Variants in TRRAP observed in about 807,000 individuals in gnomAD.
The protein encoded by TRRAP is transformation/transcription domain-associated protein.
TRRAP carries 41 observed loss-of-function variants against 438.8 expected under a neutral mutation model. The ratio of observed to expected loss-of-function variants is 0.09; its 90% CI spans 0.07 to 0.12. The LOEUF (loss-of-function observed/expected upper bound fraction) is 0.12, where lower values mean the gene tolerates loss of function less well. Ranked by LOEUF, TRRAP falls within the 10% of genes least tolerant of loss-of-function variation. The probability of loss-of-function intolerance (pLI) is 1.00; values close to 1 mark genes in which losing one functional copy is unlikely to be tolerated. For missense variants in TRRAP, 3,122 were observed against 5,055.1 expected (o/e 0.62, Z 11.60); for synonymous variants, 1,994 against 1,962.9 (o/e 1.02, Z -0.42).
chr7:98,967,386 G>A (rs1443626668), intron 50 of TRRAP, 99 bp from the exon 51 acceptor site: 2 of 1,407,056 alleles, frequency 1.4e-6, no homozygotes, highest in African/African-American at 1.4e-5. Context: ...TTTCATAGTG[G>A]CATTTCAGCA....
chr7:98,880,995 G>A (rs1198050634), intron 1 of TRRAP, 95 bp from the exon 2 acceptor site: 1 of 468,900 alleles, frequency 2.1e-6, no homozygotes, highest in Admixed American at 4.1e-5. Context: ...TAAGATGAAA[G>A]CGTATCGATT....
At chr7:98,906,326 C>A in intron 13 of TRRAP, 71 bp downstream of exon 13, 1 of 1,277,778 alleles carries the variant, frequency 7.8e-7, no homozygotes, top group Non-Finnish European at 1.1e-6. Flanking sequence ...CTTCATGTTA[C>A]AAGTGTTTCA....
Position 98,881,149 on chromosome 7 carries a change from A to G in TRRAP, c.-2A>G. 3.1e-6 allele frequency: 5 copies of G among 1,603,348 alleles called. No individual in the cohort carries two copies. Among genetic ancestry groups the G allele is most frequent in the Non-Finnish European group, 4.3e-6 (5 of 1,174,676 alleles). On this transcript the variant is annotated 5_prime_UTR_variant, in exon 2 of 73. Transcript: ENST00000456197. ...TGAGAAGCAAACCAGCCCAAAAGAAAAATGGCGTTTGTTGCAACACAGGGG... is the reference window on the plus strand; with the variant it reads ...TGAGAAGCAAACCAGCCCAAAAGAAGAATGGCGTTTGTTGCAACACAGGGG...
At chr7:98,977,157 C>T (rs555034001) in intron 56 of TRRAP, 81 bp downstream of exon 56, 91 of 1,576,654 alleles carry the variant, frequency 5.8e-5, no homozygotes, top group African/African-American at 1.1e-4. Flanking sequence ...GTCCTCAAGT[C>T]GGAGTTCACG....
chr7:98,901,480 G>T (rs1013956299), intron 11 of TRRAP, among the ~76,000 whole-genome samples: 5 of 152,208 alleles, frequency 3.3e-5, no homozygotes, highest in African/African-American at 1.2e-4. Flanking sequence ...GTATCATGGT[G>T]TGTGTTTATC....
At chr7:98,975,912 G>A in intron 53 of TRRAP, 1 of 478,028 alleles carries the variant, frequency 2.1e-6, no homozygotes, top group South Asian at 3.7e-5. Flanking sequence ...ACAAATGCAG[G>A]CGCCATTGCT....
At chr7:98,909,954 A>G (rs1237224310) in intron 14 of TRRAP, 102 bp from the exon 15 acceptor site, 10 of 1,456,872 alleles carry the variant, frequency 6.9e-6, no homozygotes, top group Non-Finnish European at 8.1e-6. Context: ...TGACTTGAGC[A>G]GCTGGTGTCA....
At chr7:98,987,487 T>A (rs12666662) in intron 62 of TRRAP, among the ~76,000 whole-genome samples, 15,162 of 152,284 alleles carry the variant, frequency 0.1, 833 homozygotes, top group East Asian at 0.25. Flanking sequence ...TTTCTTCATT[T>A]TCACATTGCT....
chr7:98,993,998 G>A (rs1446802625), intron 66 of TRRAP, among the ~76,000 whole-genome samples: 2 of 152,202 alleles, frequency 1.3e-5, no homozygotes, highest in African/African-American at 4.8e-5. Flanking sequence ...ATGTCCCTGA[G>A]CTCAGTGACC....
Position 98,943,117 on chromosome 7 carries a change from A to G in TRRAP, c.4473+100A>G, listed in dbSNP as rs1790880124. The G allele has an allele frequency of 4.0e-6, 5 of 1,245,164 alleles. No individual in the cohort carries two copies. The South Asian group carries it at 6.5e-5, about 16-fold the overall frequency. The allele number at this position is 1,245,164 out of a possible 1,614,324, so 77.1% of individuals were successfully genotyped here. On this transcript the variant is annotated intron_variant, in intron 31 of 72. Transcript: ENST00000456197. ...TCATTAAAATGCCGGTCAGAAACCT[A>G]GTTTGACGTGATTGTAGTCCTTGTA...
intron 45 of TRRAP, among the ~76,000 whole-genome samples, chr7:98,960,575 G>C (rs566171233): frequency 6.6e-6 from 1 of 152,148 alleles, no homozygotes; most frequent in African/African-American, 2.4e-5. Flanking sequence ...CTTGTCTTTG[G>C]AAGGATATTT....
chr7:98,901,825 C>T (rs1010028603), intron 11 of TRRAP, among the ~76,000 whole-genome samples: 23 of 152,112 alleles, frequency 1.5e-4, no homozygotes, highest in African/African-American at 2.4e-4. Context: ...CTGGGATTAC[C>T]GGCATGAGCC....
At chr7:98,963,800 G>A (rs1214094028) in intron 47 of TRRAP, among the ~76,000 whole-genome samples, 1 of 152,146 alleles carries the variant, frequency 6.6e-6, no homozygotes, top group African/African-American at 2.4e-5. Context: ...AACGAGTAGG[G>A]CCAGGTGCAG....
Position 98,930,078 on chromosome 7 carries a change from C to T in TRRAP, c.3265C>T (p.Pro1089Ser), listed in dbSNP as rs1790255306. ...AGAAAATGGCTCGAAAGGAATGGAT[C>T]CTTTGGTTCTCATTGATGCAATTGC... ...SEENGSKGMDPLVLIDAIAIC... is the reference protein window; with the variant it reads ...SEENGSKGMDSLVLIDAIAIC... The change falls in exon 24 of 73, where the codon CCT becomes TCT. Residue 1089 changes from proline (P) to serine (S), a missense_variant. By Grantham distance (74) the Pro-to-Ser change is moderately conservative. Coordinates refer to ENST00000456197, the MANE Select transcript of TRRAP (RefSeq NM_001375524.1). 6.2e-7 allele frequency: 1 copy of T among 1,614,124 alleles called. No individual in the cohort carries two copies. Among genetic ancestry groups the T allele is most frequent in the East Asian group, 2.2e-5 (1 of 44,888 alleles).
At position 99,011,054 on chromosome 7, in the gene TRRAP, C is replaced by A. The variant is rs752797046; in HGVS notation, c.10941C>A (p.Val3647=). 1.9e-6 allele frequency: 3 copies of A among 1,612,942 alleles called. No individual in the cohort carries two copies. The South Asian group carries it at 3.3e-5, about 18-fold the overall frequency. Reference sequence around the variant, plus strand: ...TGTCACGGAGCGCTGTGTTTCAGGTCCTCCGCGACATCCTCAAGGAGGTTC... The same window carrying A: ...TGTCACGGAGCGCTGTGTTTCAGGTACTCCGCGACATCCTCAAGGAGGTTC... ...QARGTQASHQ[V]LRDILKEVQS... is the part of the protein sequence containing the mutation. Residue 3647 remains valine, a splice_region_variant and synonymous_variant, in exon 71 of 73, where the codon GTC becomes GTA. Coordinates refer to ENST00000456197, the MANE Select transcript of TRRAP (RefSeq NM_001375524.1). This position sits in a 1 kb window ranked among gnomAD's most constrained non-coding sequence, Gnocchi z 7.1.
intron 18 of TRRAP, 64 bp downstream of exon 18, chr7:98,912,277 G>A (rs904489388): frequency 6.5e-7 from 1 of 1,544,174 alleles, no homozygotes; most frequent in South Asian, 1.2e-5. Context: ...TAGAGACAGG[G>A]CCTCACGGTG....
intron 59 of TRRAP, 27 bp downstream of exon 59, chr7:98,981,987 C>G: frequency 2.0e-6 from 3 of 1,537,460 alleles, no homozygotes; most frequent in Non-Finnish European, 2.6e-6. Context: ...CATGCGAGCA[C>G]AGGCCTGTGG....
rs1479343411 is a variant in TRRAP, at chr7:98,949,816, G to A, written c.5110G>A (p.Ala1704Thr). The A allele has an allele frequency of 1.9e-6, 3 of 1,613,492 alleles. No homozygotes were observed. The highest frequency in any genetic ancestry group is 2.5e-6 in the Non-Finnish European group (3 of 1,179,932). Residue 1704 changes from alanine to threonine, a missense_variant, in exon 37 of 73, where the codon GCC becomes ACC. By Grantham distance (58) the Ala-to-Thr change is moderately conservative. Coordinates refer to ENST00000456197, the MANE Select transcript of TRRAP (RefSeq NM_001375524.1). Reference sequence around the variant, plus strand: ...CAACTGGAAGGAGCCCAAGCTGCTGGCCTACTGCCTGCTGAACTACTGCAA... The same window carrying A: ...CAACTGGAAGGAGCCCAAGCTGCTGACCTACTGCCTGCTGAACTACTGCAA... The part of the protein sequence containing the change: ...ATNWKEPKLL[A>T]YCLLNYCKRN...
chr7:98,914,641 G>A (rs1327291794), intron 18 of TRRAP, among the ~76,000 whole-genome samples: 1 of 146,790 alleles, frequency 6.8e-6, no homozygotes, highest in Non-Finnish European at 1.5e-5. Context: ...CTTGAACCTG[G>A]GAGGCGGAGG....
Sources: gnomAD v4.1 joint callset for allele counts (sites outside exome capture counted in the v4.1 genomes callset) on GRCh38, gnomAD v4.1.1 for gene constraint, Gnocchi (gnomAD v3.1) non-coding constraint, MANE v1.5 for transcripts, NCBI Gene and HGNC (gene_info 2026-07-23, HGNC 2026-07-21) for gene names.